FLT3LG: variants seen among roughly 807,000 people sequenced by gnomAD.
FLT3LG encodes the protein fms related receptor tyrosine kinase 3 ligand.
A neutral mutation model predicts 30.9 loss-of-function variants in FLT3LG; 8 were observed. The observed-to-expected ratio is 0.26, with a 90% CI of 0.15 to 0.47. The LOEUF is 0.47. Among genes scored for constraint, FLT3LG ranks in the 20% least tolerant of loss-of-function variants. FLT3LG has a pLI of 0.99. For missense variants in FLT3LG, 278 were observed against 306.2 expected, an observed-to-expected ratio of 0.91 and a Z score of 0.69; for synonymous variants, 123 against 135.9, an observed-to-expected ratio of 0.91 and a Z score of 0.66.
intron 1 of FLT3LG, 85 bp from the exon 2 acceptor site, chr19:49,474,518 G>C: frequency 4.2e-6 from 4 of 945,924 alleles, no homozygotes; most frequent in Non-Finnish European, 6.5e-6. Flanking sequence ...TCAATGGGAC[G>C]CGGGAGGGGC....
intron 8 of FLT3LG, among the ~76,000 whole-genome samples, chr19:49,483,104 A>G (rs1048546483): frequency 6.6e-6 from 1 of 152,084 alleles, no homozygotes; most frequent in Admixed American, 6.6e-5. Flanking sequence ...AGCCTTCAGC[A>G]TCCAACGTAT....
rs145617898 is a variant in FLT3LG, at chr19:49,475,944, C to T, written c.144+143C>T. The T allele has an allele frequency of 1.1e-3, 1,140 of 1,038,138 alleles. 3 individuals carry two copies. Among genetic ancestry groups the T allele is most frequent in the East Asian group, 4.6e-3 (194 of 41,746 alleles). 64.3% of individuals were successfully genotyped at this position (1,038,138 alleles called of 1,614,324 possible). A position where few individuals can be genotyped will look rare whatever the true frequency, so the allele number is the denominator to read the frequency against. On this transcript the variant is annotated intron_variant, in intron 3 of 8. Transcript: ENST00000597551. ...CAAGCGATCCTCCCACCTTGGCCTC[C>T]CAAAGTGCTGGAATTACAGGCGTGA...
intron 2 of FLT3LG, among the ~76,000 whole-genome samples, chr19:49,474,877 GA>G (rs2079321592): frequency 7.3e-6 from 1 of 137,812 alleles, no homozygotes; most frequent in African/African-American, 2.9e-5. Context: ...ATGGACAGAG[GA>G]GGGGGAGATA....
intron 2 of FLT3LG, 74 bp downstream of exon 2, chr19:49,474,746 A>T: frequency 6.7e-7 from 1 of 1,494,572 alleles, no homozygotes. Context: ...ATGAGGGGAG[A>T]TGGACGGGAG....
At position 49,478,937 on chromosome 19, in the gene FLT3LG, A is replaced by G; in HGVS notation, c.371A>G (p.Gln124Arg). The G allele has an allele frequency of 1.3e-6, 2 of 1,558,980 alleles. No individual in the cohort carries two copies. Among genetic ancestry groups the G allele is most frequent in the Non-Finnish European group, 1.7e-6 (2 of 1,151,526 alleles). The stretch of plus-strand genomic sequence containing the variant: ...CCCCCCAGCTGTCTTCGCTTCGTCC[A>G]GACCAACATCTCCCGCCTCCTGCAG... Reference protein sequence around the residue: ...QPPPSCLRFVQTNISRLLQET... With the variant: ...QPPPSCLRFVRTNISRLLQET... The change falls in exon 6 of 9, where the codon CAG (glutamine) becomes CGG (arginine). Residue 124 changes from glutamine to arginine, a missense_variant. Physicochemically the swap from Gln to Arg is conservative, Grantham distance 43 (BLOSUM62 1). This residue lies in a region of FLT3LG where 170 missense variants were observed against 162.0 expected (regional missense o/e 1.05). Transcript: ENST00000597551.
Position 49,476,682 on chromosome 19 carries a change from G to C in FLT3LG, c.342+116G>C, listed in dbSNP as rs1433155365. On this transcript the variant is annotated intron_variant, in intron 5 of 8. Coordinates refer to ENST00000597551, the MANE Select transcript of FLT3LG (RefSeq NM_001459.4). The surrounding 1 kb of genome is among the most constrained non-coding windows in gnomAD (Gnocchi z 5.3). The stretch of plus-strand genomic sequence containing the variant: ...GGACCATAGCCACCCAACGAAGGTA[G>C]AGCGAGAAGCGCCACCCTGCAGAGC... 3 of 1,409,470 alleles carry C rather than the reference G, an allele frequency of 2.1e-6. No homozygotes were observed. Among genetic ancestry groups the C allele is most frequent in the Non-Finnish European group, 2.9e-6 (3 of 1,026,358 alleles). The allele number at this position is 1,409,470 out of a possible 1,614,324, so 87.3% of individuals were successfully genotyped here. A position where few individuals can be genotyped will look rare whatever the true frequency, so the allele number is the denominator to read the frequency against.
intron 8 of FLT3LG, among the ~76,000 whole-genome samples, chr19:49,484,119 G>A (rs375143665): frequency 5.3e-5 from 8 of 150,430 alleles, no homozygotes; most frequent in South Asian, 2.1e-4. Context: ...TCTTGACCTC[G>A]TGATCTGCCC....
chr19:49,480,255 C>T lies in FLT3LG; in HGVS notation c.482-43C>T, dbSNP rs772836795. ...CCAGGCCTCTCTTTCCTTCCTTACC[C>T]CAGCCCTTCTCCTTGGTCACCCAGC... is the stretch of plus-strand genomic sequence containing the variant. On this transcript the variant is annotated intron_variant, in intron 6 of 8. Coordinates refer to ENST00000597551, the MANE Select transcript of FLT3LG (RefSeq NM_001459.4). 6.9e-6 allele frequency: 10 copies of T among 1,441,848 alleles called. No individual in the cohort carries two copies. The Admixed American group carries it at 2.0e-4, about 29-fold the overall frequency. 89.3% of individuals were successfully genotyped at this position (1,441,848 alleles called of 1,614,324 possible).
In FLT3LG at chr19:49,480,279, GC is replaced by G; in HGVS notation, c.482-17del. On this transcript the variant is annotated intron_variant, in intron 6 of 8. Transcript: ENST00000597551. Reference sequence around the variant, plus strand: ...CCCAGCCCTTCTCCTTGGTCACCCAGCCTCCTCTTTCTCCCCAGACTCCTCA... The same window carrying G: ...CCCAGCCCTTCTCCTTGGTCACCCAGCTCCTCTTTCTCCCCAGACTCCTCA... 6.4e-7 allele frequency: 1 copy of G among 1,550,510 alleles called. No individual in the cohort carries two copies. The highest frequency in any genetic ancestry group is 8.8e-7 in the Non-Finnish European group (1 of 1,140,320).
At chr19:49,478,639 G>T (rs1189637906) in intron 5 of FLT3LG, among the ~76,000 whole-genome samples, 1 of 151,934 alleles carries the variant, frequency 6.6e-6, no homozygotes, top group Admixed American at 6.6e-5. Flanking sequence ...TGGGCATGGT[G>T]GTGGGCACCT....
In FLT3LG at chr19:49,476,847, G is replaced by T. The variant is rs150977131; in HGVS notation, c.342+281G>T. 773 of 405,018 alleles carry T rather than the reference G, an allele frequency of 1.9e-3. 1 individual carries two copies. Among genetic ancestry groups the T allele is most frequent in the Non-Finnish European group, 2.6e-3 (582 of 221,978 alleles). The allele number at this position is 405,018 out of a possible 1,614,324, so 25.1% of individuals were successfully genotyped here. On this transcript the variant is annotated intron_variant, in intron 5 of 8. Coordinates refer to ENST00000597551, the MANE Select transcript of FLT3LG (RefSeq NM_001459.4). The surrounding 1 kb of genome is among the most constrained non-coding windows in gnomAD (Gnocchi z 5.3). ...CCCCAAAAAAAAACAGGGAGAGAAGGGGTCTCTAAACTGAGGAGGCCGGGC... is the reference window on the plus strand; with the variant it reads ...CCCCAAAAAAAAACAGGGAGAGAAGTGGTCTCTAAACTGAGGAGGCCGGGC...
chr19:49,475,994 C>T (rs2079381167), intron 3 of FLT3LG, 151 bp from the exon 4 acceptor site: 2 of 1,037,252 alleles, frequency 1.9e-6, no homozygotes, highest in East Asian at 2.4e-5. Flanking sequence ...GGGTGTCATC[C>T]CTTTTTAAGG....
chr19:49,476,336 C>T lies in FLT3LG; in HGVS notation c.199-87C>T, dbSNP rs2122490621. On this transcript the variant is annotated intron_variant, in intron 4 of 8. Transcript: ENST00000597551. This position sits in a 1 kb window ranked among gnomAD's most constrained non-coding sequence, Gnocchi z 5.3. ...TCCTCAGCCCCTCCTCCCTCAGACC[C>T]AGGAGCCCCGGCCCAGCCCCTCCTC... The T allele has an allele frequency of 5.3e-6, 8 of 1,509,584 alleles. No homozygotes were observed. Among genetic ancestry groups the T allele is most frequent in the African/African-American group, 1.4e-5 (1 of 72,746 alleles). The allele number at this position is 1,509,584 out of a possible 1,614,324, so 93.5% of individuals were successfully genotyped here. A position where few individuals can be genotyped will look rare whatever the true frequency, so the allele number is the denominator to read the frequency against.
Position 49,480,344 on chromosome 19 carries a change from C to G in FLT3LG, c.528C>G (p.Ala176=). The G allele has an allele frequency of 1.2e-6, 2 of 1,610,306 alleles. No homozygotes were observed. Among genetic ancestry groups the G allele is most frequent in the Non-Finnish European group, 8.5e-7 (1 of 1,178,458 alleles). The change falls in exon 7 of 9, where the codon GCC becomes GCG. Residue 176 remains alanine (A), a synonymous_variant. Coordinates refer to ENST00000597551, the MANE Select transcript of FLT3LG (RefSeq NM_001459.4). ...CATGGAGTCCCCGGCCCCTGGAGGC[C>G]ACAGCCCCGACAGCCCCGCAGCCCC... is the stretch of plus-strand genomic sequence containing the variant. The part of the protein sequence containing the change: ...PPPWSPRPLE[A]TAPTAPQPPL...
chr19:49,475,892 C>G lies in FLT3LG; in HGVS notation c.144+91C>G, dbSNP rs114215929. ...AGATGGGGTCTCTCTCCCTGTGTTTCCCAGGGTGGTCTTGAACTCCTGGGC... is the reference window on the plus strand; with the variant it reads ...AGATGGGGTCTCTCTCCCTGTGTTTGCCAGGGTGGTCTTGAACTCCTGGGC... On this transcript the variant is annotated intron_variant, in intron 3 of 8. Transcript: ENST00000597551. 5,859 of 1,210,356 alleles carry G rather than the reference C, an allele frequency of 4.8e-3. 204 individuals are homozygous for G. In the African/African-American group the frequency reaches 0.076, roughly 16 times the overall value. The allele number at this position is 1,210,356 out of a possible 1,614,324, so 75.0% of individuals were successfully genotyped here. A position where few individuals can be genotyped will look rare whatever the true frequency, so the allele number is the denominator to read the frequency against.
Position 49,475,804 on chromosome 19 carries a change from G to A in FLT3LG, c.144+3G>A. On this transcript the variant is annotated splice_donor_region_variant and intron_variant, in intron 3 of 8. Transcript: ENST00000597551. ...TCGCTGTCAAAATCCGTGAGCTGGT[G>A]AGCGGCGCTGCCCCGGACCCCCTCA... 6 of 1,611,888 alleles carry A rather than the reference G, an allele frequency of 3.7e-6. No individual in the cohort carries two copies. Among genetic ancestry groups the A allele is most frequent in the Middle Eastern group, 3.3e-4 (2 of 6,058 alleles).
At chr19:49,485,932 C>A (rs2079790531) in intron 8 of FLT3LG, 83 bp from the exon 9 acceptor site, 1 of 152,276 alleles carries the variant, frequency 6.6e-6, no homozygotes, top group Non-Finnish European at 1.5e-5. Context: ...TGGCCCGCCC[C>A]AAGCTAAGCT....
intron 3 of FLT3LG, 103 bp downstream of exon 3, chr19:49,475,904 T>C: frequency 8.5e-7 from 1 of 1,173,664 alleles, no homozygotes; most frequent in Non-Finnish European, 1.2e-6. Flanking sequence ...CAGGGTGGTC[T>C]TGAACTCCTG....
At position 49,474,521 on chromosome 19, in the gene FLT3LG, G is replaced by A; in HGVS notation, c.-37-82G>A. ...AACTCAGCCACATCAATGGGACGCG[G>A]GAGGGGCGGGGAGGCAAAGGGGCGG... is the stretch of plus-strand genomic sequence containing the variant. On this transcript the variant is annotated intron_variant, in intron 1 of 8. Coordinates refer to ENST00000597551, the MANE Select transcript of FLT3LG (RefSeq NM_001459.4). 7.2e-6 allele frequency: 7 copies of A among 975,870 alleles called. No individual in the cohort carries two copies. In the South Asian group the frequency reaches 8.9e-5, roughly 12 times the overall value. 60.5% of individuals were successfully genotyped at this position (975,870 alleles called of 1,614,324 possible).
Sources: gnomAD v4.1 joint callset for allele counts (sites outside exome capture counted in the v4.1 genomes callset) on GRCh38, gnomAD v4.1.1 for gene constraint, gnomAD v4.1.1 regional missense constraint, Gnocchi (gnomAD v3.1) non-coding constraint, MANE v1.5 for transcripts, NCBI Gene and HGNC (gene_info 2026-07-23, HGNC 2026-07-21) for gene names.